Variants in ZNF469 observed in about 807,000 individuals in gnomAD.
ZNF469 encodes zinc finger protein 469.
ZNF469 carries 1 observed loss-of-function variant against 1.0 expected under a neutral mutation model. The observed-to-expected ratio is 1.00, with a 90% CI of 0.35 to 4.73. The LOEUF (loss-of-function observed/expected upper bound fraction) is 4.73. Among genes scored for constraint, ZNF469 ranks in the 30% most tolerant of loss-of-function variants. The pLI is 0.16. For synonymous variants in ZNF469, 2,703 were observed against 2,363.4 expected (o/e 1.14, Z -4.17); for missense variants, 6,100 against 5,356.3 (o/e 1.14, Z -4.33).
At chr16:88,161,949 C>T in the ZNF469 span, among the ~76,000 whole-genome samples, 3 of 152,302 alleles carry the variant, frequency 2.0e-5, no homozygotes, top group South Asian at 2.1e-4. Flanking sequence ...GCCGTTGAGA[C>T]AGCCTATGAT....
At chr16:88,114,878 A>G in the ZNF469 span, among the ~76,000 whole-genome samples, 2 of 152,194 alleles carry the variant, frequency 1.3e-5, no homozygotes, top group Admixed American at 1.3e-4. Flanking sequence ...TTGCTTTGGG[A>G]GGAAGTGGGC....
At chr16:88,332,057 C>G in the ZNF469 span, among the ~76,000 whole-genome samples, 1 of 152,200 alleles carries the variant, frequency 6.6e-6, no homozygotes, top group Non-Finnish European at 1.5e-5. Context: ...CCCCGAGTCC[C>G]CTTTGGCAGA....
At chr16:88,313,350 C>G in the ZNF469 span, among the ~76,000 whole-genome samples, 3 of 152,224 alleles carry the variant, frequency 2.0e-5, no homozygotes, top group Admixed American at 6.5e-5. Context: ...ATCATTTTCT[C>G]TGCTCTTTTT....
In ZNF469 at chr16:88,427,715, C is replaced by A; in HGVS notation, c.245C>A (p.Ala82Asp). Residue 82 changes from alanine to aspartate, a missense_variant, in exon 3 of 3, where the codon GCC becomes GAC. Ala to Asp is a moderately radical substitution (Grantham distance 126). Transcript: ENST00000565624. ...AAGCCCCCATCCCTGAGAGGCCAGG[C>A]CCCGAGCAGCACCCCTGGGAAGAGG... ...ELKPPSLRGQ[A>D]PSSTPGKRGS... 5 of 1,534,608 alleles carry A rather than the reference C, an allele frequency of 3.3e-6. No individual in the cohort carries two copies. The highest frequency in any genetic ancestry group is 4.4e-6 in the Non-Finnish European group (5 of 1,142,462).
the ZNF469 span, among the ~76,000 whole-genome samples, chr16:88,195,407 A>T: frequency 6.6e-6 from 1 of 152,198 alleles, no homozygotes; most frequent in African/African-American, 2.4e-5. Flanking sequence ...GCGAAAATCC[A>T]TGATTCAGTT....
the ZNF469 span, among the ~76,000 whole-genome samples, chr16:88,176,050 A>G: frequency 1.3e-5 from 2 of 152,202 alleles, no homozygotes; most frequent in Non-Finnish European, 2.9e-5. Context: ...TCTTGCTTGT[A>G]GAAGTTCCCA....
At chr16:88,372,080 C>T in the ZNF469 span, among the ~76,000 whole-genome samples, 1 of 104,542 alleles carries the variant, frequency 9.6e-6, no homozygotes, top group African/African-American at 3.9e-5. Flanking sequence ...ACCATCACCA[C>T]CATCATCACC....
At chr16:88,117,470 G>C in the ZNF469 span, among the ~76,000 whole-genome samples, 8 of 152,220 alleles carry the variant, frequency 5.3e-5, no homozygotes. Context: ...AGACAATTCA[G>C]GTCTCTGAAT....
At chr16:88,251,812 G>A in the ZNF469 span, among the ~76,000 whole-genome samples, 1 of 151,844 alleles carries the variant, frequency 6.6e-6, no homozygotes, top group African/African-American at 2.4e-5. Flanking sequence ...ACCTGCCTCG[G>A]CCTCCCAGAG....
the ZNF469 span, among the ~76,000 whole-genome samples, chr16:88,285,006 A>T: frequency 6.6e-6 from 1 of 152,234 alleles, no homozygotes; most frequent in African/African-American, 2.4e-5. Flanking sequence ...GCCGACTCTG[A>T]GCCCACAGCC....
chr16:88,149,582 A>C, the ZNF469 span, among the ~76,000 whole-genome samples: 2 of 152,098 alleles, frequency 1.3e-5, no homozygotes, highest in African/African-American at 4.8e-5. Flanking sequence ...CGAGTCTTGC[A>C]CTCAGTCCAA....
chr16:88,118,014 C>G, the ZNF469 span, among the ~76,000 whole-genome samples: 1 of 152,378 alleles, frequency 6.6e-6, no homozygotes, highest in African/African-American at 2.4e-5. Context: ...ACGATCTCAT[C>G]TCACCGCAAC....
At chr16:88,103,326 C>T in the ZNF469 span, among the ~76,000 whole-genome samples, 1 of 152,272 alleles carries the variant, frequency 6.6e-6, no homozygotes, top group East Asian at 1.9e-4. Flanking sequence ...ATCTCAAAGG[C>T]TGGGCACTGG....
the ZNF469 span, among the ~76,000 whole-genome samples, chr16:88,374,690 G>GCGTGTGCAGTGGGCTGAGCTCAGCAC: frequency 1.6e-5 from 2 of 127,182 alleles, no homozygotes; most frequent in Non-Finnish European, 3.4e-5. Flanking sequence ...ACAAAGAGCT[G>GCGTGTGCAGTGGGCTGAGCTCAGCAC]CGTGTGCAGT....
In ZNF469 at chr16:88,436,413, C is replaced by T. The variant is rs1296383384; in HGVS notation, c.8943C>T (p.Asp2981=). Residue 2981 remains aspartate (D), a synonymous_variant, in exon 3 of 3, where the codon GAC becomes GAT. Coordinates refer to ENST00000565624, the MANE Select transcript of ZNF469 (RefSeq NM_001367624.2). The stretch of plus-strand genomic sequence containing the variant: ...AGCTGCCCTCCCACTGCCCCGAGGA[C>T]GATCGGCCGGAGGCCATTCCTGAGC... ...AEKLPSHCPE[D]DRPEAIPELH... The T allele has an allele frequency of 1.5e-5, 24 of 1,549,126 alleles. No individual in the cohort carries two copies. Among genetic ancestry groups the T allele is most frequent in the South Asian group, 3.6e-5 (3 of 84,064 alleles).
the ZNF469 span, among the ~76,000 whole-genome samples, chr16:88,241,074 A>G: frequency 1.3e-5 from 2 of 152,284 alleles, no homozygotes; most frequent in African/African-American, 4.8e-5. This position sits in a 1 kb window ranked among gnomAD's most constrained non-coding sequence, Gnocchi z 4.8. Flanking sequence ...ATGGGTTAAA[A>G]GTGCTATTGT....
chr16:88,247,332 ATGAGTGAATGAGTGAGTGAATGAG>A, the ZNF469 span, among the ~76,000 whole-genome samples: 1 of 147,368 alleles, frequency 6.8e-6, no homozygotes, highest in Admixed American at 6.7e-5. Context: ...TGAATGGTGA[ATGAGTGAATGAGTGAGTGAATGAG>A]TGAGTGAATG....
the ZNF469 span, among the ~76,000 whole-genome samples, chr16:88,146,669 G>A: frequency 2.1e-5 from 3 of 144,972 alleles, no homozygotes; most frequent in Non-Finnish European, 2.9e-5. Flanking sequence ...GTGCATTTGT[G>A]GGGGGGCATT....
the ZNF469 span, among the ~76,000 whole-genome samples, chr16:88,222,770 C>G: frequency 1.2e-4 from 17 of 145,240 alleles, no homozygotes; most frequent in Non-Finnish European, 1.5e-5. Flanking sequence ...AAAAAAAAAA[C>G]AAAAACATTC....
Sources: allele counts gnomAD v4.1 joint callset (sites outside exome capture counted in the v4.1 genomes callset), GRCh38; gene constraint gnomAD v4.1.1; non-coding constraint Gnocchi (gnomAD v3.1); transcripts MANE v1.5; gene names NCBI Gene and HGNC (gene_info 2026-07-23, HGNC 2026-07-21).